LARP1B: variants seen among roughly 807,000 people sequenced by gnomAD.
The protein encoded by LARP1B is La ribonucleoprotein 1B.
A neutral mutation model predicts 114.2 loss-of-function variants in LARP1B; 76 were observed. The ratio of observed to expected loss-of-function variants is 0.67; its 90% CI spans 0.55 to 0.81. The LOEUF is 0.81. Ranked by LOEUF, LARP1B falls within the 30% of genes least tolerant of loss-of-function variation. The probability of loss-of-function intolerance (pLI) is 0.00; values close to 1 mark genes in which losing one functional copy is unlikely to be tolerated. For missense variants in LARP1B, 1,014 were observed against 1,075.8 expected (o/e 0.94, Z 0.80); for synonymous variants, 345 against 348.0 (o/e 0.99, Z 0.10).
chr4:128,213,891 C>A (rs923478509), downstream of LARP1B, among the ~76,000 whole-genome samples: 3 of 151,880 alleles, frequency 2.0e-5, no homozygotes, highest in Non-Finnish European at 2.9e-5. Flanking sequence ...ATCTGAGGTA[C>A]CGGGTTCATC....
chr4:128,166,950 CTCTCTCTCTCTCTCTCTCTCTATA>C (rs1447611302), intron 12 of LARP1B, among the ~76,000 whole-genome samples: 1 of 110,778 alleles, frequency 9.0e-6, no homozygotes, highest in East Asian at 2.7e-4. Flanking sequence ...CTCTCTCTCT[CTCTCTCTCTCTCTCTCTCTCTATA>C]TATATATATA....
intron 7 of LARP1B, among the ~76,000 whole-genome samples, chr4:128,095,850 A>G (rs1337179323): frequency 1.3e-5 from 2 of 152,158 alleles, no homozygotes; most frequent in Non-Finnish European, 2.9e-5. Context: ...ATTTGGAAAT[A>G]GTGTGGGATT....
At chr4:128,139,411 T>G (rs890046213) in intron 11 of LARP1B, among the ~76,000 whole-genome samples, 1 of 152,126 alleles carries the variant, frequency 6.6e-6, no homozygotes, top group African/African-American at 2.4e-5. Context: ...GAGGATCCCT[T>G]GAGCCCAAAA....
At chr4:128,064,533 C>T (rs1761676006) in intron 1 of LARP1B, among the ~76,000 whole-genome samples, 1 of 152,164 alleles carries the variant, frequency 6.6e-6, no homozygotes, top group East Asian at 1.9e-4. Flanking sequence ...CTAAAGAGAA[C>T]ATGGTTAAGT....
At chr4:128,094,605 C>T (rs904141873) in intron 7 of LARP1B, among the ~76,000 whole-genome samples, 2 of 151,566 alleles carry the variant, frequency 1.3e-5, no homozygotes, top group African/African-American at 2.4e-5. Flanking sequence ...CAGGGTTTTG[C>T]CATGTTGCCC....
intron 7 of LARP1B, among the ~76,000 whole-genome samples, chr4:128,094,170 C>T (rs750618491): frequency 3.9e-5 from 6 of 152,088 alleles, no homozygotes; most frequent in Middle Eastern, 3.4e-3. Context: ...TGTGATCCGC[C>T]GTCCTCGGCC....
chr4:128,194,407 T>G (rs1753321577), intron 15 of LARP1B, among the ~76,000 whole-genome samples: 1 of 150,870 alleles, frequency 6.6e-6, no homozygotes, highest in African/African-American at 2.4e-5. Flanking sequence ...TCTTGGCTGG[T>G]CGCAGTGGCT....
At chr4:128,212,988 G>A (rs979249603), downstream of LARP1B, among the ~76,000 whole-genome samples, 14 of 131,024 alleles carry the variant, frequency 1.1e-4, no homozygotes, top group East Asian at 2.0e-3. Flanking sequence ...ACGCGATCTC[G>A]TCTCACTGCA....
chr4:128,135,392 T>C (rs918996022), intron 11 of LARP1B, among the ~76,000 whole-genome samples: 3 of 152,062 alleles, frequency 2.0e-5, no homozygotes, highest in Non-Finnish European at 2.9e-5. Flanking sequence ...GATAGAAATA[T>C]CATGTTATCC....
chr4:128,200,531 C>G lies in LARP1B; in HGVS notation c.2175C>G (p.Arg725=). Residue 725 remains arginine (R), a synonymous_variant, in exon 17 of 20, where the codon CGC becomes CGG. Coordinates refer to ENST00000326639, the MANE Select transcript of LARP1B (RefSeq NM_018078.4). ...YRRRCLSERK[R]LGIGQSQEMN... Reference sequence around the variant, plus strand: ...TTTAACTTTTTTCAGAGAGAAAACGCTTGGGAATTGGTCAGTCCCAAGAAA... The same window carrying G: ...TTTAACTTTTTTCAGAGAGAAAACGGTTGGGAATTGGTCAGTCCCAAGAAA... 1 of 1,479,646 alleles carries G rather than the reference C, an allele frequency of 6.8e-7. No homozygotes were observed. The highest frequency in any genetic ancestry group is 9.0e-7 in the Non-Finnish European group (1 of 1,113,470). 91.7% of individuals were successfully genotyped at this position (1,479,646 alleles called of 1,614,324 possible).
At chr4:128,062,566 G>A (rs1459482873) in intron 1 of LARP1B, among the ~76,000 whole-genome samples, 3 of 148,858 alleles carry the variant, frequency 2.0e-5, no homozygotes, top group African/African-American at 7.4e-5. Context: ...ATACTGCAGT[G>A]CTTCGTATGG....
At chr4:128,094,020 T>TA (rs1776890910) in intron 7 of LARP1B, among the ~76,000 whole-genome samples, 1 of 151,996 alleles carries the variant, frequency 6.6e-6, no homozygotes, top group African/African-American at 2.4e-5. Context: ...CTTTTTTTTT[T>TA]TAAAAACATT....
At chr4:128,194,811 G>A (rs1471864582) in intron 15 of LARP1B, among the ~76,000 whole-genome samples, 4 of 151,172 alleles carry the variant, frequency 2.6e-5, no homozygotes. Flanking sequence ...AAATTGCAGT[G>A]AGCTGGGATG....
chr4:128,118,726 ATT>A (rs1418253019), intron 10 of LARP1B, among the ~76,000 whole-genome samples: 1 of 151,260 alleles, frequency 6.6e-6, no homozygotes. Flanking sequence ...TATTTCCATC[ATT>A]GTTTTGGTTG....
At position 128,209,990 on chromosome 4, in the gene LARP1B, T is replaced by C. The variant is rs1376443870; in HGVS notation, c.2682T>C (p.Leu894=). The C allele has an allele frequency of 6.2e-7, 1 of 1,614,096 alleles. No individual in the cohort carries two copies. Among genetic ancestry groups the C allele is most frequent in the East Asian group, 2.2e-5 (1 of 44,876 alleles). Residue 894 remains leucine (L), a synonymous_variant, in exon 20 of 20, where the codon CTT becomes CTC. Transcript: ENST00000326639. ...NAAKPTSTSE[L]QVPINSPRRN... Reference sequence around the variant, plus strand: ...CTAAACCTACATCTACCAGTGAGCTTCAGGTACCAATAAACTCTCCCAGAA... The same window carrying C: ...CTAAACCTACATCTACCAGTGAGCTCCAGGTACCAATAAACTCTCCCAGAA...
rs371081191 is a variant in LARP1B at position 128,210,049 on chromosome 4, A to T, written c.2741A>T (p.His914Leu). The stretch of plus-strand genomic sequence containing the variant: ...TCACCGGAGTCCAGTGACAATTCAC[A>T]TTAAACAGTGCTGCCTGTGTCCTGT... ...NISPESSDNS[H>L] The change falls in exon 20 of 20, where the codon CAT (histidine) becomes CTT (leucine). Residue 914 changes from histidine (H) to leucine (L), a missense_variant. By Grantham distance (99) the His-to-Leu change is moderately conservative. Coordinates refer to ENST00000326639, the MANE Select transcript of LARP1B (RefSeq NM_018078.4). 6.2e-7 allele frequency: 1 copy of T among 1,614,014 alleles called. No individual in the cohort carries two copies. The highest frequency in any genetic ancestry group is 1.3e-5 in the African/African-American group (1 of 75,068).
rs146973816 is a variant in LARP1B, at chr4:128,181,441, G to T, written c.2003+1929G>T. Among the ~76,000 whole-genome samples, 884 of 152,120 alleles carry T rather than the reference G, an allele frequency of 5.8e-3. 9 individuals are homozygous for T. Among genetic ancestry groups the T allele is most frequent in the African/African-American group, 0.02 (831 of 41,508 alleles). ...GATCCACCTGTCTTGGCCTCCTCAG[G>T]TGCTGGGATTACAGGCATGAGCCAC... On this transcript the variant is annotated intron_variant, in intron 15 of 19. Transcript: ENST00000326639.
At chr4:128,155,917 G>T (rs1209099374) in intron 11 of LARP1B, 7 of 1,542,608 alleles carry the variant, frequency 4.5e-6, no homozygotes, top group Non-Finnish European at 6.3e-6. Flanking sequence ...AATCCCCGAA[G>T]GAGCCAAGGA....
Position 128,104,371 on chromosome 4 carries a change from C to G in LARP1B, c.814-2768C>G, listed in dbSNP as rs149649179. Among the ~76,000 whole-genome samples, 7 of 152,224 alleles carry G rather than the reference C, an allele frequency of 4.6e-5. No homozygotes were observed. The East Asian group carries it at 1.3e-3, about 29-fold the overall frequency. ...GAGATTTATTCATATTGGTGTATAG[C>G]AGTTGTTTACTTTCTGTTTTTTGGT... On this transcript the variant is annotated intron_variant, in intron 8 of 19. Coordinates refer to ENST00000326639, the MANE Select transcript of LARP1B (RefSeq NM_018078.4).
Sources: gnomAD v4.1 joint callset for allele counts (sites outside exome capture counted in the v4.1 genomes callset) on GRCh38, gnomAD v4.1.1 for gene constraint, MANE v1.5 for transcripts, NCBI Gene and HGNC (gene_info 2026-07-23, HGNC 2026-07-21) for gene names.